Variants in EYS observed in about 807,000 individuals in gnomAD.
EYS encodes EGF-like photoreceptor maintenance factor, also known as protein eyes shut homolog.
Under a neutral mutation model 282.1 loss-of-function variants are expected in EYS, and 250 were observed. That is an observed-to-expected ratio of 0.89 (90% confidence interval 0.80 to 0.98). The LOEUF (loss-of-function observed/expected upper bound fraction) is 0.98. EYS is among the 50% of genes least tolerant of loss of function. The probability of loss-of-function intolerance (pLI) is 0.00; values close to 1 mark genes in which losing one functional copy is unlikely to be tolerated. For missense variants in EYS, 4,016 were observed against 3,709.0 expected, an observed-to-expected ratio of 1.08 and a Z score of -2.15; for synonymous variants, 1,355 against 1,282.9, an observed-to-expected ratio of 1.06 and a Z score of -1.20.
At chr6:65,476,740 C>T (rs1462696114) in intron 5 of EYS, among the ~76,000 whole-genome samples, 1 of 152,028 alleles carries the variant, frequency 6.6e-6, no homozygotes, top group African/African-American at 2.4e-5. Context: ...CCAGGCCCAG[C>T]TAATTTTTAT....
chr6:64,255,543 A>G (rs775012736), intron 30 of EYS, among the ~76,000 whole-genome samples: 1 of 152,082 alleles, frequency 6.6e-6, no homozygotes, highest in Non-Finnish European at 1.5e-5. Context: ...AAAAAGTTCA[A>G]GACATTTTGA....
chr6:64,923,441 A>G (rs1315875106), intron 15 of EYS, among the ~76,000 whole-genome samples: 1 of 152,186 alleles, frequency 6.6e-6, no homozygotes, highest in African/African-American at 2.4e-5. Flanking sequence ...ATGGGGATAT[A>G]GTCAAACCAT....
At chr6:65,331,593 C>T (rs924525749) in intron 11 of EYS, 5 of 976,628 alleles carry the variant, frequency 5.1e-6, no homozygotes, top group Non-Finnish European at 6.1e-6. Context: ...TGTAATTTAT[C>T]CAAGATTCTC....
intron 12 of EYS, among the ~76,000 whole-genome samples, chr6:65,075,743 T>C (rs1454852790): frequency 6.6e-6 from 1 of 151,824 alleles, no homozygotes; most frequent in East Asian, 1.9e-4. Flanking sequence ...CAGCCTAATA[T>C]TTCTAAGGAG....
At chr6:64,034,335 C>T (rs963597225) in intron 33 of EYS, among the ~76,000 whole-genome samples, 1 of 152,082 alleles carries the variant, frequency 6.6e-6, no homozygotes. Flanking sequence ...TATATATGTA[C>T]TACATATATT....
intron 30 of EYS, among the ~76,000 whole-genome samples, chr6:64,239,836 A>G (rs923467419): frequency 2.0e-5 from 3 of 152,156 alleles, no homozygotes; most frequent in South Asian, 2.1e-4. Flanking sequence ...GCCCATGGCT[A>G]TGTCCTGAAT....
chr6:65,221,040 G>A (rs1246384513), intron 12 of EYS, among the ~76,000 whole-genome samples: 1 of 152,124 alleles, frequency 6.6e-6, no homozygotes, highest in Non-Finnish European at 1.5e-5. Flanking sequence ...GAAGTGACTT[G>A]GGTACTGTAA....
intron 32 of EYS, among the ~76,000 whole-genome samples, chr6:64,076,708 C>A (rs938636662): frequency 6.6e-6 from 1 of 151,844 alleles, no homozygotes; most frequent in Non-Finnish European, 1.5e-5. Context: ...AACTGTGAGT[C>A]CATTAAACCT....
At chr6:64,674,453 G>T (rs189807151) in intron 22 of EYS, among the ~76,000 whole-genome samples, 1 of 152,060 alleles carries the variant, frequency 6.6e-6, no homozygotes, top group Admixed American at 6.6e-5. Flanking sequence ...TACAATTACT[G>T]TCAGTAAAAT....
chr6:64,011,131 T>G (rs1181390477), intron 33 of EYS, among the ~76,000 whole-genome samples: 1 of 152,200 alleles, frequency 6.6e-6, no homozygotes, highest in Non-Finnish European at 1.5e-5. Flanking sequence ...TATGTACTCT[T>G]ACCTTCTTTG....
chr6:65,008,238 A>G (rs1347114856), intron 13 of EYS, among the ~76,000 whole-genome samples: 1 of 152,168 alleles, frequency 6.6e-6, no homozygotes, highest in African/African-American at 2.4e-5. Flanking sequence ...TTCTGGAGAG[A>G]CTAAGGGAGG....
intron 31 of EYS, among the ~76,000 whole-genome samples, chr6:64,138,325 G>C (rs1430198445): frequency 6.6e-6 from 1 of 152,102 alleles, no homozygotes; most frequent in Non-Finnish European, 1.5e-5. Flanking sequence ...AAAAATCTTG[G>C]GCATTTGTGA....
intron 33 of EYS, among the ~76,000 whole-genome samples, chr6:64,031,317 G>A (rs1458068228): frequency 6.6e-6 from 1 of 152,220 alleles, no homozygotes; most frequent in Non-Finnish European, 1.5e-5. Context: ...CAGCTGCTGT[G>A]CTCAATTTCT....
At chr6:64,389,753 A>C (rs1481261125) in intron 28 of EYS, among the ~76,000 whole-genome samples, 1 of 152,172 alleles carries the variant, frequency 6.6e-6, no homozygotes, top group African/African-American at 2.4e-5. Flanking sequence ...ATAATAGTAC[A>C]CATTCTTGGG....
intron 19 of EYS, among the ~76,000 whole-genome samples, chr6:64,880,879 T>A (rs1178387096): frequency 6.6e-6 from 1 of 151,034 alleles, no homozygotes; most frequent in Non-Finnish European, 1.5e-5. Flanking sequence ...CTAGTATGTA[T>A]ATTATACTGG....
At chr6:65,595,384 G>T (rs1205207792) in intron 2 of EYS, among the ~76,000 whole-genome samples, 1 of 151,752 alleles carries the variant, frequency 6.6e-6, no homozygotes. Flanking sequence ...CAAGTTAATG[G>T]GTGCAGCACA....
At position 64,686,860 on chromosome 6, in the gene EYS, T is replaced by TATATGTGTATATATATACACAC. The variant is rs1554193136; in HGVS notation, c.3444-60616_3444-60615insGTGTGTATATATATACACATAT. ...ATACGTGTATATATATATATGTGTA[T>TATATGTGTATATATATACACAC]ATATATACGTGTATATATATATACA... On this transcript the variant is annotated intron_variant, in intron 22 of 42. Transcript: ENST00000503581. Among the ~76,000 whole-genome samples the TATATGTGTATATATATACACAC allele has an allele frequency of 1.9e-4, 5 of 25,974 alleles. 1 individual carries two copies. The highest frequency in any genetic ancestry group is 5.1e-4 in the African/African-American group (5 of 9,722). The allele number at this position is 25,974 out of a possible 152,430, so 17.0% of individuals were successfully genotyped here. A position where few individuals can be genotyped will look rare whatever the true frequency, so the allele number is the denominator to read the frequency against.
chr6:65,167,504 C>A, intron 12 of EYS, among the ~76,000 whole-genome samples: 1 of 151,244 alleles, frequency 6.6e-6, no homozygotes, highest in South Asian at 2.1e-4. Flanking sequence ...AATTAAAGAT[C>A]ACTTTCTCTT....
chr6:65,560,556 C>A (rs761076732), intron 2 of EYS, among the ~76,000 whole-genome samples: 1 of 151,328 alleles, frequency 6.6e-6, no homozygotes, highest in South Asian at 2.1e-4. Flanking sequence ...AAGACTTTTA[C>A]TCATTGTATA....
Sources: gnomAD v4.1 joint callset for allele counts (sites outside exome capture counted in the v4.1 genomes callset) on GRCh38, gnomAD v4.1.1 for gene constraint, MANE v1.5 for transcripts, NCBI Gene and HGNC (gene_info 2026-07-23, HGNC 2026-07-21) for gene names.